Variants in STK32C observed in about 807,000 individuals in gnomAD.
The protein encoded by STK32C is serine/threonine kinase 32C.
STK32C carries 31 observed loss-of-function variants against 56.5 expected under a neutral mutation model. That is an observed-to-expected ratio of 0.55 (90% CI 0.41 to 0.74). The LOEUF (loss-of-function observed/expected upper bound fraction) is 0.74. Ranked by LOEUF, STK32C falls within the 30% of genes least tolerant of loss-of-function variation. STK32C has a pLI of 0.00. For synonymous variants in STK32C, 309 were observed against 289.4 expected (o/e 1.07, Z -0.69); for missense variants, 544 against 676.9 (o/e 0.80, Z 2.18).
At chr10:132,273,693 GTAAA>G (rs2064905531) in intron 1 of STK32C, among the ~76,000 whole-genome samples, 2 of 152,138 alleles carry the variant, frequency 1.3e-5, no homozygotes, top group South Asian at 2.1e-4. Context: ...AGATGAATGA[GTAAA>G]TGAACGAGTA....
intron 7 of STK32C, 143 bp from the exon 8 acceptor site, chr10:132,224,666 C>T (rs768238337): frequency 6.0e-6 from 4 of 664,196 alleles, no homozygotes; most frequent in Non-Finnish European, 1.1e-5. Flanking sequence ...AGCCTGGCCT[C>T]CACCTGCCGC....
chr10:132,305,586 C>T (rs1564794638), intron 1 of STK32C, among the ~76,000 whole-genome samples: 1 of 152,182 alleles, frequency 6.6e-6, no homozygotes, highest in Non-Finnish European at 1.5e-5. Flanking sequence ...ACTGCACCAA[C>T]CTGAAAGGGG....
chr10:132,248,084 C>CCAAA (rs61588642), intron 1 of STK32C, among the ~76,000 whole-genome samples: 123,295 of 151,812 alleles, frequency 0.81, 50,475 homozygotes, highest in African/African-American at 0.91. Context: ...CTATGCACGC[C>CCAAA]CAGAGATTAT....
chr10:132,229,587 T>G (rs991480840), intron 2 of STK32C, among the ~76,000 whole-genome samples: 1 of 152,228 alleles, frequency 6.6e-6, no homozygotes, highest in Non-Finnish European at 1.5e-5. Flanking sequence ...TGTTCTGGGA[T>G]TTGGATGTGG....
intron 1 of STK32C, chr10:132,330,290 A>T: frequency 1.6e-6 from 1 of 609,266 alleles, no homozygotes; most frequent in South Asian, 1.9e-5. Context: ...ATACGCTCAA[A>T]TGGTTAGTAA....
chr10:132,266,669 G>A (rs993488366), intron 1 of STK32C, among the ~76,000 whole-genome samples: 11 of 152,028 alleles, frequency 7.2e-5, no homozygotes, highest in African/African-American at 9.7e-5. Context: ...GGGGAGGAAC[G>A]AGCCAGGGCT....
chr10:132,295,454 G>A (rs1348024517), intron 1 of STK32C, among the ~76,000 whole-genome samples: 1 of 152,240 alleles, frequency 6.6e-6, no homozygotes, highest in African/African-American at 2.4e-5. Flanking sequence ...AGCTCCCAGT[G>A]GCCAGACTGG....
At chr10:132,241,264 G>A (rs1303385418) in intron 2 of STK32C, among the ~76,000 whole-genome samples, 1 of 152,250 alleles carries the variant, frequency 6.6e-6, no homozygotes, top group African/African-American at 2.4e-5. Context: ...GGCATCCAAA[G>A]AGGACGCCGA....
chr10:132,217,268 C>T (rs1423772201), intron 10 of STK32C, among the ~76,000 whole-genome samples: 1 of 152,242 alleles, frequency 6.6e-6, no homozygotes, highest in Non-Finnish European at 1.5e-5. Context: ...TAAGATTTGA[C>T]AGGCCTGCTG....
At chr10:132,219,384 T>G (rs1455027438) in intron 10 of STK32C, among the ~76,000 whole-genome samples, 1 of 152,036 alleles carries the variant, frequency 6.6e-6, no homozygotes, top group African/African-American at 2.4e-5. Context: ...CACAGGTGCC[T>G]GGCCTTACCT....
exon 2 of STK32C, chr10:132,324,123 T>C (rs7914257): frequency 0.32 from 208,077 of 657,542 alleles, 34,466 homozygotes; most frequent in East Asian, 0.4. Flanking sequence ...CCCACTCCAA[T>C]CACAGCAGCT....
intron 1 of STK32C, among the ~76,000 whole-genome samples, chr10:132,316,568 A>T (rs1207567668): frequency 1.3e-5 from 2 of 152,202 alleles, no homozygotes; most frequent in Non-Finnish European, 2.9e-5. Context: ...ACAGTGAACC[A>T]TGGTCGTACC....
intron 1 of STK32C, among the ~76,000 whole-genome samples, chr10:132,285,701 AAAGG>A (rs1252949457): frequency 1.5e-4 from 23 of 152,362 alleles, no homozygotes; most frequent in Admixed American, 5.2e-4. Flanking sequence ...AGACAAAATG[AAAGG>A]AAGGAACAGA....
downstream of STK32C, among the ~76,000 whole-genome samples, chr10:132,322,778 G>A (rs1476404004): frequency 1.3e-5 from 2 of 152,132 alleles, no homozygotes; most frequent in African/African-American, 4.8e-5. Context: ...ATCTGCAGTG[G>A]CCACTCTGTA....
upstream of STK32C, among the ~76,000 whole-genome samples, chr10:132,311,705 C>T (rs954247359): frequency 6.6e-6 from 1 of 152,200 alleles, no homozygotes; most frequent in Non-Finnish European, 1.5e-5. This position sits in a 1 kb window ranked among gnomAD's most constrained non-coding sequence, Gnocchi z 4.4. Flanking sequence ...CCTGCTGCCA[C>T]CATCATCACG....
intron 2 of STK32C, among the ~76,000 whole-genome samples, chr10:132,235,197 G>T (rs368402034): frequency 6.6e-6 from 1 of 152,152 alleles, no homozygotes; most frequent in African/African-American, 2.4e-5. Context: ...AGATTAAACA[G>T]ATATGTTAAA....
At chr10:132,294,817 C>T (rs1259604740) in intron 1 of STK32C, among the ~76,000 whole-genome samples, 1 of 152,104 alleles carries the variant, frequency 6.6e-6, no homozygotes, top group African/African-American at 2.4e-5. Context: ...CAGTGACTTC[C>T]GTCCCCTTCC....
At chr10:132,213,874 G>C (rs2062389995) in intron 10 of STK32C, among the ~76,000 whole-genome samples, 1 of 152,152 alleles carries the variant, frequency 6.6e-6, no homozygotes, top group African/African-American at 2.4e-5. Context: ...ACAGAAATGA[G>C]GATGCCTTTG....
At chr10:132,253,955 A>C (rs1484353950) in intron 1 of STK32C, among the ~76,000 whole-genome samples, 1 of 152,238 alleles carries the variant, frequency 6.6e-6, no homozygotes, top group Non-Finnish European at 1.5e-5. Context: ...TAGAAAGAGC[A>C]CTTCCAATAA....
Sources: gnomAD v4.1 joint callset for allele counts (sites outside exome capture counted in the v4.1 genomes callset) on GRCh38, gnomAD v4.1.1 for gene constraint, Gnocchi (gnomAD v3.1) non-coding constraint, MANE v1.5 for transcripts, NCBI Gene and HGNC (gene_info 2026-07-23, HGNC 2026-07-21) for gene names.